The following RET variants were observed in gnomAD, a reference collection of about 807,000 sequenced individuals.
RET encodes the protein ret proto-oncogene, also known as proto-oncogene tyrosine-protein kinase receptor Ret.
Under a neutral mutation model 118.3 loss-of-function variants are expected in RET, and 19 were observed. That is an observed-to-expected ratio of 0.16 (90% CI 0.11 to 0.24). The LOEUF is 0.24. RET is among the 10% of genes least tolerant of loss of function. The pLI is 1.00. For missense variants in RET, 1,219 were observed against 1,502.1 expected, an observed-to-expected ratio of 0.81 and a Z score of 3.12; for synonymous variants, 597 against 644.1, an observed-to-expected ratio of 0.93 and a Z score of 1.11.
chr10:43,087,054 G>T (rs556369947), intron 1 of RET, among the ~76,000 whole-genome samples: 1 of 152,378 alleles, frequency 6.6e-6, no homozygotes, highest in Non-Finnish European at 1.5e-5. Context: ...TCTACCATGG[G>T]TGTGCAGCGG....
At chr10:43,086,027 G>A (rs1837281420) in intron 1 of RET, among the ~76,000 whole-genome samples, 1 of 152,218 alleles carries the variant, frequency 6.6e-6, no homozygotes, top group Non-Finnish European at 1.5e-5. Flanking sequence ...TCTCCAGGGA[G>A]AGCCCAGCTT....
chr10:43,083,407 C>T (rs1322540584), intron 1 of RET, among the ~76,000 whole-genome samples: 2 of 152,244 alleles, frequency 1.3e-5, no homozygotes, highest in Admixed American at 6.5e-5. Context: ...TCTACTATGT[C>T]CTTCTTGTGG....
intron 1 of RET, among the ~76,000 whole-genome samples, chr10:43,092,863 C>T (rs1323320510): frequency 2.6e-5 from 4 of 152,244 alleles, no homozygotes; most frequent in African/African-American, 7.2e-5. Context: ...CCACACAGCT[C>T]TATCCTGCCA....
chr10:43,116,101 C>T (rs1838063672), intron 11 of RET, among the ~76,000 whole-genome samples: 1 of 152,174 alleles, frequency 6.6e-6, no homozygotes, highest in African/African-American at 2.4e-5. Context: ...GGTGGGAGGG[C>T]AGGGTGGTAG....
intron 2 of RET, among the ~76,000 whole-genome samples, chr10:43,101,074 T>A (rs1837633129): frequency 6.6e-6 from 1 of 152,224 alleles, no homozygotes. Flanking sequence ...ATTTAGCAAA[T>A]GACCTGCAAC....
At chr10:43,088,237 GTGGT>G (rs1185274819) in intron 1 of RET, among the ~76,000 whole-genome samples, 1 of 150,448 alleles carries the variant, frequency 6.6e-6, no homozygotes, top group Non-Finnish European at 1.5e-5. Flanking sequence ...GGCAATGGTG[GTGGT>G]GATGGTGGTG....
chr10:43,113,109 C>T (rs747921843), intron 9 of RET, 146 bp downstream of exon 9: 294 of 753,574 alleles, frequency 3.9e-4, no homozygotes, highest in Non-Finnish European at 5.4e-5. Flanking sequence ...TCACCCTAGC[C>T]ATGGGGAGGG....
rs372177579 is a variant in RET at position 43,106,618 on chromosome 10, G to A, written c.1063+47G>A. The A allele has an allele frequency of 4.4e-3, 6,924 of 1,588,668 alleles. 27 individuals are homozygous for A. Among genetic ancestry groups the A allele is most frequent in the Non-Finnish European group, 5.6e-3 (6,477 of 1,163,322 alleles). ...GCCTGGCTAGGCCCCCAGGAAATGA[G>A]GTGCTCGCTCTTCATGGGCAAGCAG... On this transcript the variant is annotated intron_variant, in intron 5 of 19. Coordinates refer to ENST00000355710, the MANE Select transcript of RET (RefSeq NM_020975.6). The surrounding 1 kb of genome is among the most constrained non-coding windows in gnomAD (Gnocchi z 5.1).
chr10:43,083,233 G>C (rs1837222551), intron 1 of RET, among the ~76,000 whole-genome samples: 1 of 152,186 alleles, frequency 6.6e-6, no homozygotes, highest in South Asian at 2.1e-4. Flanking sequence ...GACTCCTCTG[G>C]CAGGTCACAT....
Position 43,114,482 on chromosome 10 carries a change from C to T in RET, c.1882C>T (p.Pro628Ser), listed in dbSNP as rs754466051. 1 of 1,606,348 alleles carries T rather than the reference C, an allele frequency of 6.2e-7. No individual in the cohort carries two copies. Among genetic ancestry groups the T allele is most frequent in the Non-Finnish European group, 8.5e-7 (1 of 1,179,956 alleles). ...CCTCACACCACCCCCACCCACAGAT[C>T]CACTGTGCGACGAGCTGTGCCGCAC... ...CFCEPEDIQD[P>S]LCDELCRTVI... The change falls in exon 11 of 20, where the codon CCA becomes TCA. Residue 628 changes from proline (P) to serine (S), a missense_variant and splice_region_variant. Pro to Ser is a moderately conservative substitution (Grantham distance 74). This residue lies in a region of RET where 850 missense variants were observed against 969.6 expected (regional missense o/e 0.88). Coordinates refer to ENST00000355710, the MANE Select transcript of RET (RefSeq NM_020975.6). This position sits in a 1 kb window ranked among gnomAD's most constrained non-coding sequence, Gnocchi z 4.6.
rs1163200373 is a variant in RET, at chr10:43,116,736, CTG to C, written c.2284+6_2284+7del. 4 of 1,612,962 alleles carry C rather than the reference CTG, an allele frequency of 2.5e-6. No individual in the cohort carries two copies. The highest frequency in any genetic ancestry group is 3.4e-6 in the Non-Finnish European group (4 of 1,179,786). On this transcript the variant is annotated splice_donor_region_variant and intron_variant, in intron 12 of 19. Transcript: ENST00000355710. ...TGGCCGTGAAGATGCTGAAAGGTAC[CTG>C]CCAGGCACAGGCACAGTGCCCCTGG...
At chr10:43,112,292 G>A (rs1274462429) in intron 8 of RET, 68 bp downstream of exon 8, 2 of 1,480,820 alleles carry the variant, frequency 1.4e-6, no homozygotes, top group African/African-American at 4.0e-5. Context: ...GGGTCCTGGG[G>A]CCCTGCCAGC....
chr10:43,113,498 T>C (rs1837988432), intron 9 of RET, 58 bp from the exon 10 acceptor site: 50 of 1,535,194 alleles, frequency 3.3e-5, no homozygotes, highest in African/African-American at 4.1e-5. Context: ...CCTGGAAATA[T>C]GGGCGCCTGG....
intron 18 of RET, among the ~76,000 whole-genome samples, chr10:43,125,419 T>G (rs1488861675): frequency 1.3e-5 from 2 of 152,206 alleles, no homozygotes; most frequent in Non-Finnish European, 2.9e-5. Context: ...AAGGGTTCCT[T>G]GCTGGAGTAC....
intron 1 of RET, among the ~76,000 whole-genome samples, chr10:43,079,805 G>A (rs995261602): frequency 2.6e-5 from 4 of 152,178 alleles, no homozygotes; most frequent in African/African-American, 9.7e-5. Context: ...ACCCCTGCCT[G>A]AAGCACCAGG....
intron 9 of RET, 116 bp downstream of exon 9, chr10:43,113,079 G>A (rs1248178163): frequency 3.6e-6 from 3 of 827,820 alleles, no homozygotes; most frequent in Non-Finnish European, 6.1e-6. Context: ...ATCAAGCTGA[G>A]CCTCCTGTGC....
At chr10:43,090,104 A>C (rs1329646203) in intron 1 of RET, among the ~76,000 whole-genome samples, 2 of 152,184 alleles carry the variant, frequency 1.3e-5, no homozygotes, top group African/African-American at 2.4e-5. Context: ...TATGAAAGGG[A>C]AACTGGACAT....
At position 43,113,651 on chromosome 10, in the gene RET, T is replaced by G; in HGVS notation, c.1855T>G (p.Phe619Val). Reference protein sequence around the residue: ...CNCFPEEEKCFCEPEDIQDPL... With the variant: ...CNCFPEEEKCVCEPEDIQDPL... Reference sequence around the variant, plus strand: ...CTGCTTCCCTGAGGAGGAGAAGTGCTTCTGCGAGCCCGAAGACATCCAGGG... The same window carrying G: ...CTGCTTCCCTGAGGAGGAGAAGTGCGTCTGCGAGCCCGAAGACATCCAGGG... Residue 619 changes from phenylalanine to valine, a missense_variant, in exon 10 of 20, where the codon TTC (phenylalanine) becomes GTC (valine). This residue lies in a region of RET where 850 missense variants were observed against 969.6 expected (regional missense o/e 0.88). Coordinates refer to ENST00000355710, the MANE Select transcript of RET (RefSeq NM_020975.6). The G allele has an allele frequency of 1.9e-6, 3 of 1,613,430 alleles. No homozygotes were observed. Among genetic ancestry groups the G allele is most frequent in the Non-Finnish European group, 2.5e-6 (3 of 1,179,890 alleles).
chr10:43,107,464 A>C (rs1383723308), intron 5 of RET, among the ~76,000 whole-genome samples: 1 of 150,956 alleles, frequency 6.6e-6, no homozygotes, highest in Non-Finnish European at 1.5e-5. Flanking sequence ...CCTGCAGTGG[A>C]GGGTAGTTCT....
Sources: gnomAD v4.1 joint callset for allele counts (sites outside exome capture counted in the v4.1 genomes callset) on GRCh38, gnomAD v4.1.1 for gene constraint, gnomAD v4.1.1 regional missense constraint, Gnocchi (gnomAD v3.1) non-coding constraint, MANE v1.5 for transcripts, NCBI Gene and HGNC (gene_info 2026-07-23, HGNC 2026-07-21) for gene names.